Variants in SPMIP3 observed in about 807,000 individuals in gnomAD.
SPMIP3 encodes the protein protein SPMIP3.
the SPMIP3 span, among the ~76,000 whole-genome samples, chr1:244,381,624 T>C: frequency 2.6e-5 from 4 of 152,158 alleles, no homozygotes; most frequent in East Asian, 3.9e-4. Context: ...AAATACCAAA[T>C]AGAGGTGCAG....
the SPMIP3 span, among the ~76,000 whole-genome samples, chr1:244,363,018 G>GTT: frequency 7.0e-6 from 1 of 141,882 alleles, no homozygotes; most frequent in Non-Finnish European, 1.5e-5. Flanking sequence ...TTTTTTTTTT[G>GTT]TTGTTGTATT....
At chr1:244,382,493 A>G in the SPMIP3 span, among the ~76,000 whole-genome samples, 1 of 152,244 alleles carries the variant, frequency 6.6e-6, no homozygotes, top group East Asian at 1.9e-4. Context: ...GAGAGTGATC[A>G]GACAACTGGA....
chr1:244,373,077 A>G, the SPMIP3 span, among the ~76,000 whole-genome samples: 4 of 151,768 alleles, frequency 2.6e-5, no homozygotes, highest in Admixed American at 2.6e-4. Context: ...TTTTAGTCAC[A>G]TGGTCTTCAA....
chr1:244,378,538 T>C, the SPMIP3 span: 3 of 1,613,422 alleles, frequency 1.9e-6, no homozygotes, highest in Non-Finnish European at 2.5e-6. Context: ...CAACAAACAC[T>C]CATTCGATAT....
chr1:244,357,969 T>A, the SPMIP3 span, among the ~76,000 whole-genome samples: 2 of 151,952 alleles, frequency 1.3e-5, no homozygotes, highest in African/African-American at 4.8e-5. Context: ...GCACCTGCAG[T>A]CCAAGCTACT....
chr1:244,389,006 G>T, the SPMIP3 span: 1 of 1,613,892 alleles, frequency 6.2e-7, no homozygotes, highest in Non-Finnish European at 8.5e-7. Context: ...TTAATTCACT[G>T]CCAGAGCTCT....
At chr1:244,372,604 T>C in the SPMIP3 span, among the ~76,000 whole-genome samples, 32 of 152,064 alleles carry the variant, frequency 2.1e-4, no homozygotes, top group African/African-American at 7.0e-4. Flanking sequence ...CCACCACACC[T>C]GGCTAATTTT....
chr1:244,364,608 C>T, the SPMIP3 span: 1 of 1,190,330 alleles, frequency 8.4e-7, no homozygotes, highest in Non-Finnish European at 1.3e-6. Context: ...TCAAGATGGA[C>T]TTTGTGGTAC....
the SPMIP3 span, among the ~76,000 whole-genome samples, chr1:244,366,863 G>C: frequency 6.6e-6 from 1 of 152,164 alleles, no homozygotes; most frequent in African/African-American, 2.4e-5. Flanking sequence ...GTGGGCAACA[G>C]AATGAGACTC....
chr1:244,373,835 C>T, the SPMIP3 span, among the ~76,000 whole-genome samples: 5 of 151,800 alleles, frequency 3.3e-5, no homozygotes, highest in East Asian at 1.9e-4. Context: ...TATTTCTGGC[C>T]GGGTGCAGTG....
the SPMIP3 span, among the ~76,000 whole-genome samples, chr1:244,364,477 CTGTG>C: frequency 3.2e-3 from 481 of 152,052 alleles, 4 homozygotes; most frequent in African/African-American, 0.011. Context: ...AAAAGCACAT[CTGTG>C]TGTATTTGCC....
chr1:244,373,029 A>G, the SPMIP3 span, among the ~76,000 whole-genome samples: 2 of 152,060 alleles, frequency 1.3e-5, no homozygotes, highest in South Asian at 4.1e-4. Flanking sequence ...CATGTCCCAC[A>G]TAAAGCACTA....
the SPMIP3 span, chr1:244,364,563 C>T: frequency 7.5e-6 from 6 of 799,078 alleles, no homozygotes; most frequent in African/African-American, 1.7e-5. Context: ...TATGCATAGT[C>T]CTTCTACCAT....
At chr1:244,387,685 G>C in the SPMIP3 span, among the ~76,000 whole-genome samples, 1 of 152,190 alleles carries the variant, frequency 6.6e-6, no homozygotes, top group Non-Finnish European at 1.5e-5. Flanking sequence ...TTCTTTGGCT[G>C]TTGTGTGGAG....
At chr1:244,370,079 T>C in the SPMIP3 span, among the ~76,000 whole-genome samples, 2 of 152,200 alleles carry the variant, frequency 1.3e-5, no homozygotes, top group African/African-American at 4.8e-5. Context: ...TGGGGCTGCT[T>C]TTTGTTAAAA....
the SPMIP3 span, among the ~76,000 whole-genome samples, chr1:244,362,669 C>T: frequency 1.3e-5 from 2 of 151,926 alleles, no homozygotes; most frequent in Admixed American, 6.6e-5. Context: ...GGTCTCAGTC[C>T]GATGTTCTCC....
the SPMIP3 span, among the ~76,000 whole-genome samples, chr1:244,354,957 C>G: frequency 2.0e-5 from 3 of 152,206 alleles, no homozygotes; most frequent in Non-Finnish European, 2.9e-5. Context: ...TGATTAATCT[C>G]TGACATTATC....
chr1:244,368,618 C>T, the SPMIP3 span, among the ~76,000 whole-genome samples: 4 of 152,196 alleles, frequency 2.6e-5, no homozygotes, highest in Non-Finnish European at 4.4e-5. Flanking sequence ...CCTGTAGGCA[C>T]GGTTGTTGAA....
chr1:244,367,030 C>T, the SPMIP3 span, among the ~76,000 whole-genome samples: 1 of 152,148 alleles, frequency 6.6e-6, no homozygotes, highest in African/African-American at 2.4e-5. Context: ...GAACAGCTCT[C>T]TCAGCAGTTG....
Sources: gnomAD v4.1 joint callset for allele counts (sites outside exome capture counted in the v4.1 genomes callset) on GRCh38, gnomAD v4.1.1 for gene constraint, MANE v1.5 for transcripts, NCBI Gene and HGNC (gene_info 2026-07-23, HGNC 2026-07-21) for gene names.